The following ANKS1B variants were observed in gnomAD, a reference collection of about 807,000 sequenced individuals.
The protein encoded by ANKS1B is ankyrin repeat and sterile alpha motif domain containing 1B, also known as ankyrin repeat and sterile alpha motif domain-containing protein 1B.
In ANKS1B, 36 loss-of-function variants were observed where a neutral mutation model predicts 148.3. The ratio of observed to expected loss-of-function variants is 0.24; its 90% CI spans 0.19 to 0.32. The LOEUF (loss-of-function observed/expected upper bound fraction) is 0.32. Among genes scored for constraint, ANKS1B ranks in the 10% least tolerant of loss-of-function variants. ANKS1B has a pLI of 1.00. For synonymous variants in ANKS1B, 542 were observed against 560.8 expected, an observed-to-expected ratio of 0.97 and a Z score of 0.47; for missense variants, 1,157 against 1,542.6, an observed-to-expected ratio of 0.75 and a Z score of 4.19.
intron 17 of ANKS1B, among the ~76,000 whole-genome samples, chr12:98,855,476 T>G (rs1208114814): frequency 6.6e-6 from 1 of 152,212 alleles, no homozygotes; most frequent in Non-Finnish European, 1.5e-5. Flanking sequence ...TAGAAGCATA[T>G]TCGGAAACAT....
chr12:99,375,777 G>A (rs558711205), intron 12 of ANKS1B, among the ~76,000 whole-genome samples: 1 of 152,196 alleles, frequency 6.6e-6, no homozygotes, highest in Admixed American at 6.5e-5. Flanking sequence ...CTGGAGTAAT[G>A]TTGCTTTCCA....
chr12:99,364,717 G>T (rs2092675315), intron 12 of ANKS1B, among the ~76,000 whole-genome samples: 1 of 152,140 alleles, frequency 6.6e-6, no homozygotes, highest in African/African-American at 2.4e-5. Context: ...TGTTTTTACT[G>T]ATGGTAGTTT....
chr12:98,870,316 T>A (rs867123658), intron 17 of ANKS1B, among the ~76,000 whole-genome samples: 2 of 152,222 alleles, frequency 1.3e-5, no homozygotes, highest in Non-Finnish European at 2.9e-5. Context: ...CTAGCAGCTA[T>A]CTTCAGTAAT....
intron 22 of ANKS1B, 109 bp from the exon 23 acceptor site, chr12:98,782,246 T>C: frequency 6.3e-6 from 6 of 955,596 alleles, no homozygotes; most frequent in Non-Finnish European, 9.7e-6. Flanking sequence ...GTAAATTCAT[T>C]AAAAAACAAA....
At position 99,776,719 on chromosome 12, in the gene ANKS1B, G is replaced by A. The variant is rs539354576; in HGVS notation, c.848-1058C>T. 1.6e-4 allele frequency among the ~76,000 whole-genome samples: 25 copies of A among 151,738 alleles called. No individual in the cohort carries two copies. The East Asian group carries it at 3.3e-3, about 20-fold the overall frequency. On this transcript the variant is annotated intron_variant, in intron 6 of 26. Transcript: ENST00000683438. ...GTTTGAGATGGATTCTCGCTCTGTC[G>A]CCCAGGCTGGAGTGCAGTGGTGCAA...
At chr12:99,374,262 G>GA (rs773386541) in intron 12 of ANKS1B, among the ~76,000 whole-genome samples, 23 of 151,552 alleles carry the variant, frequency 1.5e-4, no homozygotes, top group East Asian at 3.9e-4. Flanking sequence ...TGTTGGTGAG[G>GA]AAAAAAAAAT....
At chr12:99,966,828 A>G (rs73380146) in intron 1 of ANKS1B, among the ~76,000 whole-genome samples, 5,646 of 151,656 alleles carry the variant, frequency 0.037, 327 homozygotes, top group African/African-American at 0.13. Flanking sequence ...AGCACATACA[A>G]CTTCCGTGGA....
chr12:99,121,988 G>C (rs2063020596), intron 15 of ANKS1B, among the ~76,000 whole-genome samples: 3 of 152,124 alleles, frequency 2.0e-5, no homozygotes, highest in Admixed American at 6.5e-5. Flanking sequence ...GATTCTGCAG[G>C]CAAGTGGGAT....
chr12:99,279,910 C>T (rs934325634), intron 12 of ANKS1B, among the ~76,000 whole-genome samples: 3 of 151,806 alleles, frequency 2.0e-5, no homozygotes, highest in Admixed American at 6.6e-5. Flanking sequence ...AAGATGAGGT[C>T]GGAGGATCAC....
chr12:99,890,589 GT>G (rs2093047367), intron 1 of ANKS1B, among the ~76,000 whole-genome samples: 1 of 103,142 alleles, frequency 9.7e-6, no homozygotes, highest in Non-Finnish European at 2.4e-5. Flanking sequence ...GTGTGTGTGT[GT>G]GTGTGTGTGT....
intron 8 of ANKS1B, chr12:99,706,455 C>T (rs1391952513): frequency 6.6e-6 from 1 of 151,742 alleles, no homozygotes; most frequent in Non-Finnish European, 1.5e-5. Flanking sequence ...CAATTCTCAC[C>T]CATAATTACT....
At chr12:99,647,145 G>A (rs571294929) in intron 9 of ANKS1B, among the ~76,000 whole-genome samples, 14 of 151,956 alleles carry the variant, frequency 9.2e-5, no homozygotes, top group African/African-American at 2.9e-4. Flanking sequence ...ACACATACAC[G>A]TGGTCTTACA....
At chr12:98,983,876 CCT>C (rs2099921790) in intron 17 of ANKS1B, among the ~76,000 whole-genome samples, 1 of 152,210 alleles carries the variant, frequency 6.6e-6, no homozygotes, top group African/African-American at 2.4e-5. Context: ...TTGGTTTCAC[CCT>C]CTGAGTCAAC....
At chr12:99,459,481 T>C (rs2095909629) in intron 10 of ANKS1B, among the ~76,000 whole-genome samples, 1 of 152,084 alleles carries the variant, frequency 6.6e-6, no homozygotes, top group African/African-American at 2.4e-5. Context: ...CACTGTTTGC[T>C]GATGACATGA....
At chr12:99,892,072 C>T (rs535134337) in intron 1 of ANKS1B, among the ~76,000 whole-genome samples, 2 of 152,174 alleles carry the variant, frequency 1.3e-5, no homozygotes, top group East Asian at 3.9e-4. Flanking sequence ...GGCATGATCT[C>T]GGCTCACTGC....
At chr12:99,335,997 C>T (rs887415973) in intron 12 of ANKS1B, among the ~76,000 whole-genome samples, 3 of 152,074 alleles carry the variant, frequency 2.0e-5, no homozygotes, top group Non-Finnish European at 4.4e-5. Flanking sequence ...ACAAGAGTTC[C>T]GTTTTCTCCA....
At chr12:99,640,140 C>T (rs2098287234) in intron 9 of ANKS1B, among the ~76,000 whole-genome samples, 1 of 151,758 alleles carries the variant, frequency 6.6e-6, no homozygotes, top group African/African-American at 2.4e-5. Context: ...CCACTGCACT[C>T]CAGCCTGGGT....
chr12:99,884,408 C>A (rs1248231601), intron 1 of ANKS1B, among the ~76,000 whole-genome samples: 1 of 152,086 alleles, frequency 6.6e-6, no homozygotes, highest in African/African-American at 2.4e-5. Flanking sequence ...TAGTTATTTG[C>A]CTAAAAGGAA....
At chr12:99,303,033 A>G (rs1470920126) in intron 12 of ANKS1B, among the ~76,000 whole-genome samples, 1 of 152,160 alleles carries the variant, frequency 6.6e-6, no homozygotes, top group African/African-American at 2.4e-5. Flanking sequence ...CTCATGATTA[A>G]GTAATCTTAG....
Sources: allele counts gnomAD v4.1 joint callset (sites outside exome capture counted in the v4.1 genomes callset), GRCh38; gene constraint gnomAD v4.1.1; transcripts MANE v1.5; gene names NCBI Gene and HGNC (gene_info 2026-07-23, HGNC 2026-07-21).